The following CFAP52 variants were observed in gnomAD, a reference collection of about 807,000 sequenced individuals.
The protein encoded by CFAP52 is cilia and flagella associated protein 52.
In CFAP52, 57 loss-of-function variants were observed where a neutral mutation model predicts 70.5. The ratio of observed to expected loss-of-function variants is 0.81; its 90% confidence interval spans 0.65 to 1.01. The LOEUF (loss-of-function observed/expected upper bound fraction) is 1.01. Among genes scored for constraint, CFAP52 ranks in the 50% least tolerant of loss-of-function variants. CFAP52 has a pLI of 0.00. For missense variants in CFAP52, 785 were observed against 788.5 expected, an observed-to-expected ratio of 1.00 and a Z score of 0.05; for synonymous variants, 267 against 292.5, an observed-to-expected ratio of 0.91 and a Z score of 0.89.
intron 12 of CFAP52, among the ~76,000 whole-genome samples, chr17:9,640,892 A>C (rs1161647815): frequency 6.6e-6 from 1 of 152,032 alleles, no homozygotes; most frequent in Middle Eastern, 3.2e-3. Context: ...AACGGGCCCA[A>C]CTCGGCTTCC....
rs372640682 is a variant in CFAP52 at position 9,576,734 on chromosome 17, G to A, written c.39G>A (p.Glu13=). Residue 13 remains glutamate, a synonymous_variant, in exon 1 of 14, where the codon GAG becomes GAA. Transcript: ENST00000352665. ...TTTCGCCGGAGGCCCAAGTGGCGGA[G>A]CTGGAACTTGACGCCGTGATCGGCT... ...NKISPEAQVA[E]LELDAVIGFN... is the part of the protein sequence containing the mutation. 1.1e-5 allele frequency: 17 copies of A among 1,612,762 alleles called. No individual in the cohort carries two copies. In the African/African-American group the frequency reaches 2.1e-4, roughly 20 times the overall value.
chr17:9,636,231 GAAAGAAAGAAAGAAAGAAAGAGAA>G (rs1374584264), intron 11 of CFAP52, among the ~76,000 whole-genome samples: 5 of 147,248 alleles, frequency 3.4e-5, no homozygotes, highest in African/African-American at 1.1e-4. Flanking sequence ...AAGAAAGAAA[GAAAGAAAGAAAGAAAGAAAGAGAA>G]AGAAAAATAA....
intron 3 of CFAP52, among the ~76,000 whole-genome samples, chr17:9,587,845 A>G (rs955786565): frequency 6.6e-6 from 1 of 152,102 alleles, no homozygotes; most frequent in African/African-American, 2.4e-5. Context: ...GTCCCCTCTA[A>G]TGTTCTCTCT....
intron 6 of CFAP52, among the ~76,000 whole-genome samples, chr17:9,601,355 T>C (rs1333152579): frequency 6.6e-6 from 1 of 151,972 alleles, no homozygotes; most frequent in Non-Finnish European, 1.5e-5. Flanking sequence ...GGCACATGTA[T>C]ACATATGTAA....
chr17:9,633,307 C>G (rs1182445864), intron 10 of CFAP52, among the ~76,000 whole-genome samples: 1 of 152,126 alleles, frequency 6.6e-6, no homozygotes, highest in African/African-American at 2.4e-5. Context: ...TGGGTTCAAG[C>G]GATTCTCCTG....
At chr17:9,623,938 A>G (rs1910143354) in intron 8 of CFAP52, among the ~76,000 whole-genome samples, 1 of 152,142 alleles carries the variant, frequency 6.6e-6, no homozygotes, top group Non-Finnish European at 1.5e-5. Flanking sequence ...ACATTTTTTT[A>G]GCCTTTATTT....
Position 9,643,435 on chromosome 17 carries a change from C to T in CFAP52, c.*237C>T, listed in dbSNP as rs1339486810. 1 of 368,394 alleles carries T rather than the reference C, an allele frequency of 2.7e-6. No homozygotes were observed. The highest frequency in any genetic ancestry group is 4.7e-6 in the Non-Finnish European group (1 of 212,208). 22.8% of individuals were successfully genotyped at this position (368,394 alleles called of 1,614,324 possible). ...GAACTTTTAACATTTTGAATAAATT[C>T]TTAGTTGTTGGTTTTCTGTTATAAT... On this transcript the variant is annotated 3_prime_UTR_variant, in exon 14 of 14. Coordinates refer to ENST00000352665, the MANE Select transcript of CFAP52 (RefSeq NM_145054.5).
chr17:9,638,081 T>C (rs946945959), intron 11 of CFAP52, among the ~76,000 whole-genome samples: 6 of 152,236 alleles, frequency 3.9e-5, no homozygotes, highest in African/African-American at 1.2e-4. Flanking sequence ...GTGCATGATA[T>C]GGTACGTCCA....
At chr17:9,595,657 A>T (rs117638439) in intron 4 of CFAP52, among the ~76,000 whole-genome samples, 1 of 152,132 alleles carries the variant, frequency 6.6e-6, no homozygotes, top group African/African-American at 2.4e-5. Flanking sequence ...TATTAAAAAA[A>T]AAGTTTTTTT....
intron 1 of CFAP52, among the ~76,000 whole-genome samples, chr17:9,581,116 A>T (rs1908206878): frequency 6.6e-6 from 1 of 152,184 alleles, no homozygotes; most frequent in Non-Finnish European, 1.5e-5. Context: ...GGAGATGGAA[A>T]CCATCCTGGC....
downstream of CFAP52, among the ~76,000 whole-genome samples, chr17:9,644,356 C>T (rs1408841804): frequency 1.3e-5 from 2 of 152,164 alleles, no homozygotes; most frequent in South Asian, 2.1e-4. Context: ...CCGCCCGTCT[C>T]GGCCTCCCAA....
chr17:9,598,086 A>G (rs1407540811), intron 4 of CFAP52, 148 bp from the exon 5 acceptor site: 7 of 604,198 alleles, frequency 1.2e-5, no homozygotes, highest in African/African-American at 1.9e-5. Context: ...TGGTGTTATG[A>G]GGATCGAATA....
chr17:9,600,702 CT>C (rs997327411), intron 6 of CFAP52, among the ~76,000 whole-genome samples: 17 of 152,224 alleles, frequency 1.1e-4, no homozygotes, highest in African/African-American at 4.1e-4. Flanking sequence ...GTAGCTGGGA[CT>C]ACAGGCGCCC....
intron 1 of CFAP52, among the ~76,000 whole-genome samples, chr17:9,579,719 C>A (rs909990829): frequency 2.6e-5 from 4 of 152,168 alleles, no homozygotes; most frequent in Non-Finnish European, 4.4e-5. Context: ...AGGTATCCAC[C>A]ACCACGCCTG....
intron 3 of CFAP52, among the ~76,000 whole-genome samples, chr17:9,591,030 C>CTTTTTTTTTT (rs34888799): frequency 7.8e-5 from 6 of 76,756 alleles, no homozygotes; most frequent in Non-Finnish European, 8.8e-5. Context: ...TTGCATGCAT[C>CTTTTTTTTTT]TTTTTTTTTT....
rs548544449 is a variant in CFAP52 at position 9,611,239 on chromosome 17, T to C, written c.855-1070T>C. On this transcript the variant is annotated intron_variant, in intron 7 of 13. Transcript: ENST00000352665. ...TCTGTATCCTAGGGCCTCATTCATG[T>C]ATATACTTTTTTTTTTTAAGTTCAT... Among the ~76,000 whole-genome samples the C allele has an allele frequency of 2.5e-4, 24 of 97,372 alleles. No homozygotes were observed. The East Asian group carries it at 6.3e-3, about 26-fold the overall frequency. 63.9% of individuals were successfully genotyped at this position (97,372 alleles called of 152,430 possible).
intron 9 of CFAP52, among the ~76,000 whole-genome samples, chr17:9,630,778 G>A (rs989194302): frequency 6.7e-6 from 1 of 150,074 alleles, no homozygotes; most frequent in African/African-American, 2.5e-5. Flanking sequence ...CTGAGGTCAG[G>A]AGTTTGAGAA....
chr17:9,631,516 T>C (rs1466167629), intron 9 of CFAP52, among the ~76,000 whole-genome samples: 1 of 152,112 alleles, frequency 6.6e-6, no homozygotes, highest in Non-Finnish European at 1.5e-5. Context: ...GGAGAAAACA[T>C]TCCAGGCAGA....
intron 1 of CFAP52, among the ~76,000 whole-genome samples, chr17:9,581,467 T>C (rs1447993606): frequency 6.6e-6 from 1 of 152,002 alleles, no homozygotes; most frequent in African/African-American, 2.4e-5. Context: ...CAATTTGCCA[T>C]ACAGTGTATA....
Sources: allele counts gnomAD v4.1 joint callset (sites outside exome capture counted in the v4.1 genomes callset), GRCh38; gene constraint gnomAD v4.1.1; transcripts MANE v1.5; gene names NCBI Gene and HGNC (gene_info 2026-07-23, HGNC 2026-07-21).